The following SAMD5 variants were observed in gnomAD, a reference collection of about 807,000 sequenced individuals.
SAMD5 encodes the protein sterile alpha motif domain-containing protein 5.
In SAMD5, 13 loss-of-function variants were observed where a neutral mutation model predicts 11.3. That is an observed-to-expected ratio of 1.15 (90% CI 0.75 to 1.83). The LOEUF (loss-of-function observed/expected upper bound fraction) is 1.83, where lower values mean the gene tolerates loss of function less well. Among genes scored for constraint, SAMD5 ranks in the 40% most tolerant of loss-of-function variants. The pLI is 0.00. For missense variants in SAMD5, 255 were observed against 239.1 expected (o/e 1.07, Z -0.44); for synonymous variants, 129 against 111.3 (o/e 1.16, Z -1.00).
the SAMD5 span, among the ~76,000 whole-genome samples, chr6:147,825,752 G>A: frequency 6.6e-6 from 1 of 152,128 alleles, no homozygotes; most frequent in Non-Finnish European, 1.5e-5. Flanking sequence ...CGATTTCTCT[G>A]CCTTGTGAAT....
chr6:147,772,468 C>G, the SAMD5 span, among the ~76,000 whole-genome samples: 6 of 152,142 alleles, frequency 3.9e-5, no homozygotes, highest in African/African-American at 1.4e-4. Flanking sequence ...TCAGTTTGTT[C>G]AGGCTGTCAT....
chr6:147,554,772 T>A (rs1340358776), intron 1 of SAMD5, among the ~76,000 whole-genome samples: 1 of 152,198 alleles, frequency 6.6e-6, no homozygotes, highest in African/African-American at 2.4e-5. Context: ...GGCAGAATTC[T>A]ATTTCAGACT....
chr6:147,849,593 G>A, the SAMD5 span, among the ~76,000 whole-genome samples: 2 of 152,180 alleles, frequency 1.3e-5, no homozygotes, highest in East Asian at 1.9e-4. Context: ...TCCTGATTTA[G>A]CACTAATGTT....
intron 1 of SAMD5, chr6:147,676,239 A>C (rs1032137311): frequency 6.6e-6 from 1 of 152,088 alleles, no homozygotes; most frequent in Non-Finnish European, 1.5e-5. Flanking sequence ...GGCAGTACAA[A>C]CCTGTGAGAA....
At chr6:147,864,324 T>A in the SAMD5 span, among the ~76,000 whole-genome samples, 1 of 152,214 alleles carries the variant, frequency 6.6e-6, no homozygotes, top group Non-Finnish European at 1.5e-5. Flanking sequence ...GTACTTAAAG[T>A]GGATATAATT....
At chr6:147,757,202 A>G in the SAMD5 span, among the ~76,000 whole-genome samples, 2 of 152,360 alleles carry the variant, frequency 1.3e-5, no homozygotes, top group Non-Finnish European at 2.9e-5. Flanking sequence ...GACACTTTGC[A>G]TAAACATGCA....
chr6:147,726,560 T>A (rs528291813), intron 1 of SAMD5, among the ~76,000 whole-genome samples: 1 of 152,154 alleles, frequency 6.6e-6, no homozygotes, highest in Non-Finnish European at 1.5e-5. Context: ...GCCCCGGCCC[T>A]CACATTTTGC....
the SAMD5 span, among the ~76,000 whole-genome samples, chr6:147,898,304 T>C: frequency 2.1e-4 from 32 of 152,198 alleles, no homozygotes; most frequent in Non-Finnish European, 4.1e-4. Context: ...CAAATTATGA[T>C]CAGAAGGTTA....
chr6:147,828,353 A>C, the SAMD5 span, among the ~76,000 whole-genome samples: 1 of 152,192 alleles, frequency 6.6e-6, no homozygotes, highest in Non-Finnish European at 1.5e-5. Context: ...GTTAATATTG[A>C]ATGTCAACTT....
At position 147,568,780 on chromosome 6, in the gene SAMD5, A is replaced by C; in HGVS notation, c.*4324A>C. ...ATTCCTACATCAGATATTTTACACT[A>C]TCAGATTCTTTGATTAAAAAATCAT... On this transcript the variant is annotated 3_prime_UTR_variant, in exon 2 of 2. Coordinates refer to ENST00000367474, the MANE Select transcript of SAMD5 (RefSeq NM_001030060.3). 3.1e-6 allele frequency: 3 copies of C among 969,762 alleles called. No homozygotes were observed. Among genetic ancestry groups the C allele is most frequent in the Non-Finnish European group, 2.5e-6 (2 of 815,662 alleles). 60.1% of individuals were successfully genotyped at this position (969,762 alleles called of 1,614,324 possible). A position where few individuals can be genotyped will look rare whatever the true frequency, so the allele number is the denominator to read the frequency against.
intron 1 of SAMD5, among the ~76,000 whole-genome samples, chr6:147,591,199 T>C (rs1789448660): frequency 2.0e-5 from 3 of 151,690 alleles, no homozygotes; most frequent in African/African-American, 4.8e-5. Context: ...CAACTACCTC[T>C]CTTAAAATCA....
At chr6:147,628,195 G>T (rs1474180756) in intron 1 of SAMD5, among the ~76,000 whole-genome samples, 1 of 152,168 alleles carries the variant, frequency 6.6e-6, no homozygotes, top group Admixed American at 6.6e-5. Flanking sequence ...CAGGGGACAA[G>T]AGAACTTCTA....
chr6:147,739,889 A>G (rs551131551), downstream of SAMD5, among the ~76,000 whole-genome samples: 3 of 152,150 alleles, frequency 2.0e-5, no homozygotes, highest in South Asian at 6.2e-4. Context: ...GCATGATATC[A>G]GCTCACTGCA....
At chr6:147,665,138 G>A (rs888841769) in intron 1 of SAMD5, among the ~76,000 whole-genome samples, 3 of 152,152 alleles carry the variant, frequency 2.0e-5, no homozygotes, top group South Asian at 2.1e-4. Flanking sequence ...TGCCTTTACT[G>A]TGTTTAGACT....
chr6:147,802,364 C>T, the SAMD5 span, among the ~76,000 whole-genome samples: 1 of 150,440 alleles, frequency 6.6e-6, no homozygotes, highest in Non-Finnish European at 1.5e-5. Context: ...ATGAAAACCA[C>T]TGTGAAAACA....
the SAMD5 span, among the ~76,000 whole-genome samples, chr6:147,841,747 G>GAA: frequency 8.3e-6 from 1 of 120,016 alleles, no homozygotes; most frequent in East Asian, 2.4e-4. Flanking sequence ...AATGGTCCAA[G>GAA]GAGACTGTTC....
the SAMD5 span, among the ~76,000 whole-genome samples, chr6:147,786,826 T>C: frequency 6.6e-6 from 1 of 152,238 alleles, no homozygotes; most frequent in Non-Finnish European, 1.5e-5. Flanking sequence ...TCCTTGAGCA[T>C]CAGCTGTACT....
chr6:147,731,450 G>A (rs2097106), intron 1 of SAMD5, among the ~76,000 whole-genome samples: 109,945 of 151,996 alleles, frequency 0.72, 39,949 homozygotes, highest in Middle Eastern at 0.83. Context: ...CTGTGATGGA[G>A]AAAACTGACT....
chr6:147,800,423 C>G, the SAMD5 span, among the ~76,000 whole-genome samples: 5 of 151,874 alleles, frequency 3.3e-5, no homozygotes, highest in Non-Finnish European at 1.5e-5. Context: ...GCAGTCTGCC[C>G]GTTCTCAGAT....
Sources: allele counts gnomAD v4.1 joint callset (sites outside exome capture counted in the v4.1 genomes callset), GRCh38; gene constraint gnomAD v4.1.1; transcripts MANE v1.5; gene names NCBI Gene and HGNC (gene_info 2026-07-23, HGNC 2026-07-21).